TMEM230: variants seen among roughly 807,000 people sequenced by gnomAD.
TMEM230 encodes the protein transmembrane protein 230.
In TMEM230, 10 loss-of-function variants were observed where a neutral mutation model predicts 15.8. That is an observed-to-expected ratio of 0.63 (90% CI 0.39 to 1.07). The LOEUF (loss-of-function observed/expected upper bound fraction) is 1.07, where lower values mean the gene tolerates loss of function less well. Ranked by LOEUF, TMEM230 falls within the 50% of genes least tolerant of loss-of-function variation. The pLI, the probability that TMEM230 is intolerant of heterozygous loss-of-function variation, is 0.01. For missense variants in TMEM230, 165 were observed against 193.3 expected (o/e 0.85, Z 0.87); for synonymous variants, 67 against 76.9 (o/e 0.87, Z 0.68).
chr20:5,060,178 C>T, the TMEM230 span, among the ~76,000 whole-genome samples: 1 of 152,168 alleles, frequency 6.6e-6, no homozygotes, highest in Non-Finnish European at 1.5e-5. Context: ...TCCCACAATG[C>T]TGGGATTACA....
intron 3 of TMEM230, among the ~76,000 whole-genome samples, chr20:5,089,564 G>A (rs2089448822): frequency 6.6e-6 from 1 of 151,926 alleles, no homozygotes; most frequent in Non-Finnish European, 1.5e-5. Flanking sequence ...ATCTGGGTGT[G>A]GTGGCACAGG....
At chr20:5,095,085 G>C (rs1214647322), downstream of TMEM230, among the ~76,000 whole-genome samples, 1 of 152,128 alleles carries the variant, frequency 6.6e-6, no homozygotes, top group Non-Finnish European at 1.5e-5. Context: ...GTGGTCTCAG[G>C]GCAAACTCTG....
chr20:5,109,457 A>G lies in TMEM230; in HGVS notation c.175-12T>C. The G allele has an allele frequency of 1.9e-6, 3 of 1,602,278 alleles. No individual in the cohort carries two copies. The highest frequency in any genetic ancestry group is 2.6e-6 in the Non-Finnish European group (3 of 1,169,924). ...ACACGCTGACACAGCTACAGTTTAA[A>G]AACAAAAAACCCGTTATTGTCTGTA... On this transcript the variant is annotated splice_polypyrimidine_tract_variant and intron_variant, in intron 2 of 4. Transcript: ENST00000342308.
chr20:5,100,725 T>C lies in TMEM230; in HGVS notation c.*66A>G. The C allele has an allele frequency of 1.9e-6, 3 of 1,587,132 alleles. No homozygotes were observed. Among genetic ancestry groups the C allele is most frequent in the Non-Finnish European group, 2.6e-6 (3 of 1,165,376 alleles). On this transcript the variant is annotated 3_prime_UTR_variant, in exon 5 of 5. Coordinates refer to ENST00000342308, the MANE Select transcript of TMEM230 (RefSeq NM_001009923.2). ...AGAATTCCTTAGTCCTCAGCTATAG[T>C]TTCTGCTAGATATCTTAAAGCTGGG...
At chr20:5,061,343 T>C in the TMEM230 span, 1 of 152,292 alleles carries the variant, frequency 6.6e-6, no homozygotes, top group East Asian at 1.9e-4. Flanking sequence ...AGTGCTCTAG[T>C]ACCTTGCTAC....
downstream of TMEM230, among the ~76,000 whole-genome samples, chr20:5,096,175 G>A (rs550600179): frequency 1.3e-5 from 2 of 152,310 alleles, no homozygotes; most frequent in South Asian, 2.1e-4. Context: ...ATGGCAACAG[G>A]GTAACAGATG....
At chr20:5,062,648 A>C in the TMEM230 span, among the ~76,000 whole-genome samples, 1 of 152,124 alleles carries the variant, frequency 6.6e-6, no homozygotes, top group African/African-American at 2.4e-5. Flanking sequence ...TTGTAGTCCC[A>C]GCTACTCAGG....
At position 5,109,417 on chromosome 20, in the gene TMEM230, C is replaced by T. The variant is rs780460399; in HGVS notation, c.203G>A (p.Arg68His). Residue 68 changes from arginine to histidine, a missense_variant, in exon 3 of 5, where the codon CGT (arginine) becomes CAT (histidine). Coordinates refer to ENST00000342308, the MANE Select transcript of TMEM230 (RefSeq NM_001009923.2). ...GGGGATTCCAGTAGCCAGGTTGGTA[C>T]GGGACGGCATCATAACACGCTGACA... The T allele has an allele frequency of 2.4e-5, 39 of 1,613,574 alleles. No homozygotes were observed. Among genetic ancestry groups the T allele is most frequent in the Non-Finnish European group, 3.0e-5 (35 of 1,179,808 alleles).
intron 3 of TMEM230, 91 bp from the exon 3 acceptor site, chr20:5,106,401 T>TGC: frequency 7.0e-7 from 1 of 1,422,802 alleles, no homozygotes. Context: ...GTAATTTTTA[T>TGC]GTTTTTGTTT....
At chr20:5,085,283 GTTTTTCTTTTTTTC>G (rs1306964553) in intron 3 of TMEM230, among the ~76,000 whole-genome samples, 2 of 150,248 alleles carry the variant, frequency 1.3e-5, no homozygotes, top group Non-Finnish European at 3.0e-5. Context: ...ATCTTTTTTT[GTTTTTCTTTTTTTC>G]TTTTTTTTTG....
chr20:5,092,846 T>C (rs1169828454), intron 3 of TMEM230, among the ~76,000 whole-genome samples: 2 of 152,146 alleles, frequency 1.3e-5, no homozygotes, highest in Non-Finnish European at 2.9e-5. Context: ...AAGTTAGGTA[T>C]AGAAGGAATG....
At chr20:5,078,644 C>T (rs1486847131) in intron 3 of TMEM230, among the ~76,000 whole-genome samples, 1 of 152,202 alleles carries the variant, frequency 6.6e-6, no homozygotes, top group African/African-American at 2.4e-5. Context: ...GAAAGTGAAA[C>T]TGGCGGTTAG....
chr20:5,087,377 G>A (rs1411467185), intron 3 of TMEM230, among the ~76,000 whole-genome samples: 1 of 151,974 alleles, frequency 6.6e-6, no homozygotes, highest in Admixed American at 6.6e-5. Flanking sequence ...TCATTGCTAG[G>A]TCTTTGCCAG....
At chr20:5,096,992 C>T (rs575501649), downstream of TMEM230, among the ~76,000 whole-genome samples, 2 of 152,274 alleles carry the variant, frequency 1.3e-5, no homozygotes, top group South Asian at 4.1e-4. Context: ...CTTGTACTAC[C>T]TTACTTTAGT....
At chr20:5,090,563 GGGC>G (rs2089479301) in intron 3 of TMEM230, among the ~76,000 whole-genome samples, 1 of 152,120 alleles carries the variant, frequency 6.6e-6, no homozygotes, top group Non-Finnish European at 1.5e-5. Flanking sequence ...GGGTCAGTTT[GGGC>G]TTAACTAGAG....
At chr20:5,066,041 T>C (rs1397432122), downstream of TMEM230, 1 of 152,388 alleles carries the variant, frequency 6.6e-6, no homozygotes, top group Non-Finnish European at 1.5e-5. Flanking sequence ...CCATGCTGGC[T>C]GTATTCTACC....
the TMEM230 span, among the ~76,000 whole-genome samples, chr20:5,059,270 A>G: frequency 6.6e-6 from 1 of 151,098 alleles, no homozygotes; most frequent in Non-Finnish European, 1.5e-5. Context: ...TCTGTCATTC[A>G]GATACCCCAA....
chr20:5,089,761 G>A (rs923358126), intron 3 of TMEM230, among the ~76,000 whole-genome samples: 2 of 152,114 alleles, frequency 1.3e-5, no homozygotes, highest in African/African-American at 2.4e-5. Flanking sequence ...GCTGCACAGT[G>A]GCTCATGCCT....
At chr20:5,085,495 G>A (rs910383620) in intron 3 of TMEM230, among the ~76,000 whole-genome samples, 2 of 152,056 alleles carry the variant, frequency 1.3e-5, no homozygotes, top group Non-Finnish European at 2.9e-5. Flanking sequence ...CACCATGGTG[G>A]CCAGGCTGGT....
Sources: allele counts gnomAD v4.1 joint callset (sites outside exome capture counted in the v4.1 genomes callset), GRCh38; gene constraint gnomAD v4.1.1; transcripts MANE v1.5; gene names NCBI Gene and HGNC (gene_info 2026-07-23, HGNC 2026-07-21).